The following ATP6V1G3 variants were observed in gnomAD, a reference collection of about 807,000 sequenced individuals.
ATP6V1G3 encodes the protein V-type proton ATPase subunit G 3.
A neutral mutation model predicts 9.3 loss-of-function variants in ATP6V1G3; 9 were observed. That is an observed-to-expected ratio of 0.97 (90% CI 0.59 to 1.69). ATP6V1G3 has a LOEUF of 1.69. ATP6V1G3 is among the 40% of genes most tolerant of loss of function. The probability of loss-of-function intolerance (pLI) is 0.00; values close to 1 mark genes in which losing one functional copy is unlikely to be tolerated. For missense variants in ATP6V1G3, 133 were observed against 139.0 expected (o/e 0.96, Z 0.22); for synonymous variants, 43 against 43.8 (o/e 0.98, Z 0.07).
chr1:198,529,051 A>G (rs374801193), intron 2 of ATP6V1G3, 30 bp downstream of exon 2: 478 of 1,068,916 alleles, frequency 4.5e-4, no homozygotes, highest in Middle Eastern at 1.5e-3. Context: ...TCTATTCTGC[A>G]TAAGAAACAG....
chr1:198,538,745 A>T (rs1283715765), intron 1 of ATP6V1G3, among the ~76,000 whole-genome samples: 1 of 152,032 alleles, frequency 6.6e-6, no homozygotes, highest in Non-Finnish European at 1.5e-5. Flanking sequence ...CTCTACAAAA[A>T]TACAAAAATT....
intron 1 of ATP6V1G3, chr1:198,536,670 T>TC: frequency 6.3e-7 from 1 of 1,590,864 alleles, no homozygotes; most frequent in South Asian, 1.1e-5. Flanking sequence ...ACATTTCTAG[T>TC]CATCTTACCA....
chr1:198,534,597 T>C (rs1660032821), intron 1 of ATP6V1G3, among the ~76,000 whole-genome samples: 2 of 152,190 alleles, frequency 1.3e-5, no homozygotes, highest in Non-Finnish European at 2.9e-5. Context: ...ACAATGCTAG[T>C]TGAGCATTGG....
intron 2 of ATP6V1G3, 28 bp from the exon 3 acceptor site, chr1:198,523,592 C>T (rs1659536735): frequency 8.8e-6 from 14 of 1,590,460 alleles, no homozygotes; most frequent in East Asian, 2.2e-5. Context: ...ACAGAATTCA[C>T]ATCATAATAC....
chr1:198,540,771 G>A (rs1230740342), upstream of ATP6V1G3: 2 of 1,052,294 alleles, frequency 1.9e-6, no homozygotes, highest in African/African-American at 1.6e-5. Context: ...AAATGCAGCT[G>A]TTTCAAACTG....
chr1:198,532,621 G>A (rs1024372064), intron 1 of ATP6V1G3, among the ~76,000 whole-genome samples: 15 of 152,152 alleles, frequency 9.9e-5, no homozygotes, highest in Non-Finnish European at 2.2e-4. Flanking sequence ...AAGAAAGATG[G>A]TGGATTCTAC....
intron 1 of ATP6V1G3, among the ~76,000 whole-genome samples, chr1:198,538,413 C>A (rs1660206037): frequency 6.6e-6 from 1 of 151,978 alleles, no homozygotes; most frequent in Admixed American, 6.6e-5. Flanking sequence ...GCATGTATAG[C>A]AATTCTTTTA....
chr1:198,531,657 TC>T (rs1659903753), intron 1 of ATP6V1G3, among the ~76,000 whole-genome samples: 1 of 152,084 alleles, frequency 6.6e-6, no homozygotes, highest in Admixed American at 6.6e-5. Context: ...GAAACCTAAT[TC>T]TGTTGGATTG....
At chr1:198,524,211 G>A (rs1214487889) in intron 2 of ATP6V1G3, among the ~76,000 whole-genome samples, 9 of 148,884 alleles carry the variant, frequency 6.0e-5, no homozygotes, top group African/African-American at 2.0e-4. Flanking sequence ...TGCAACCTTC[G>A]CCTCCCAGGT....
chr1:198,540,262 G>GT (rs1434000708), intron 1 of ATP6V1G3, among the ~76,000 whole-genome samples: 1 of 152,088 alleles, frequency 6.6e-6, no homozygotes, highest in African/African-American at 2.4e-5. Flanking sequence ...CAATCCAGAG[G>GT]TTTTCTACCC....
chr1:198,539,048 G>C (rs560293569), intron 1 of ATP6V1G3, among the ~76,000 whole-genome samples: 1 of 152,180 alleles, frequency 6.6e-6, no homozygotes, highest in East Asian at 1.9e-4. Flanking sequence ...ACACTTCGTT[G>C]TAGAAAAAGA....
At chr1:198,540,697 T>A, upstream of ATP6V1G3, 1 of 1,514,058 alleles carries the variant, frequency 6.6e-7, no homozygotes, top group Non-Finnish European at 9.2e-7. Context: ...TGGGAAGTAA[T>A]GGGTTCATTT....
intron 2 of ATP6V1G3, among the ~76,000 whole-genome samples, chr1:198,525,536 C>T (rs916900421): frequency 6.6e-6 from 1 of 151,988 alleles, no homozygotes; most frequent in Non-Finnish European, 1.5e-5. Context: ...GTAATATGAG[C>T]CACAAAGGCA....
intron 1 of ATP6V1G3, among the ~76,000 whole-genome samples, chr1:198,536,475 T>C (rs1222961771): frequency 6.6e-6 from 1 of 152,218 alleles, no homozygotes; most frequent in East Asian, 1.9e-4. Flanking sequence ...TTTTATGTTT[T>C]GATTAATGAA....
chr1:198,524,513 G>C (rs1435759409), intron 2 of ATP6V1G3, among the ~76,000 whole-genome samples: 2 of 152,098 alleles, frequency 1.3e-5, no homozygotes, highest in Non-Finnish European at 1.5e-5. Context: ...TGTTCATTTA[G>C]TTACATCATA....
chr1:198,525,128 G>C lies in ATP6V1G3; in HGVS notation c.184-1564C>G, dbSNP rs182889455. On this transcript the variant is annotated intron_variant, in intron 2 of 2. Coordinates refer to ENST00000367382, the MANE Select transcript of ATP6V1G3 (RefSeq NM_001376861.1). Reference sequence around the variant, plus strand: ...GAGTATACAAGAAGCAGAAACATATGGATCGAATTTCCCTTGCTAAGAAGA... The same window carrying C: ...GAGTATACAAGAAGCAGAAACATATCGATCGAATTTCCCTTGCTAAGAAGA... Among the ~76,000 whole-genome samples the C allele has an allele frequency of 5.9e-5, 9 of 152,216 alleles. No homozygotes were observed. In the East Asian group the frequency reaches 1.7e-3, roughly 29 times the overall value.
chr1:198,537,963 C>T (rs540385154), intron 1 of ATP6V1G3, among the ~76,000 whole-genome samples: 1 of 152,268 alleles, frequency 6.6e-6, no homozygotes, highest in East Asian at 1.9e-4. Flanking sequence ...AACTTTAATA[C>T]CTGCTGATAG....
At chr1:198,536,721 A>G in intron 1 of ATP6V1G3, 1 of 1,604,780 alleles carries the variant, frequency 6.2e-7, no homozygotes, top group East Asian at 2.2e-5. Context: ...AAGTAGATGC[A>G]GAACTTACAG....
Position 198,523,465 on chromosome 1 carries a change from C to T in ATP6V1G3, c.283G>A (p.Val95Met). Residue 95 changes from valine (V) to methionine (M), a missense_variant, in exon 3 of 3, where the codon GTG becomes ATG. Coordinates refer to ENST00000367382, the MANE Select transcript of ATP6V1G3 (RefSeq NM_001376861.1). ...ACCATGCTCAAGAGCTGGTTCATCA[C>T]ACTTTCCATATACTTATTGTAGTGT... is the stretch of plus-strand genomic sequence containing the variant. ...NGHYNKYMES[V>M]MNQLLSMVCD... The T allele has an allele frequency of 6.2e-7, 1 of 1,613,654 alleles. No homozygotes were observed. Among genetic ancestry groups the T allele is most frequent in the Non-Finnish European group, 8.5e-7 (1 of 1,179,814 alleles).
Sources: gnomAD v4.1 joint callset for allele counts (sites outside exome capture counted in the v4.1 genomes callset) on GRCh38, gnomAD v4.1.1 for gene constraint, MANE v1.5 for transcripts, NCBI Gene and HGNC (gene_info 2026-07-23, HGNC 2026-07-21) for gene names.